The following DOCK4 variants were observed in gnomAD, a reference collection of about 807,000 sequenced individuals.
DOCK4 encodes the protein dedicator of cytokinesis protein 4.
Under a neutral mutation model 268.1 loss-of-function variants are expected in DOCK4, and 97 were observed. The ratio of observed to expected loss-of-function variants is 0.36; its 90% CI spans 0.31 to 0.43. The LOEUF is 0.43. Among genes scored for constraint, DOCK4 ranks in the 20% least tolerant of loss-of-function variants. DOCK4 has a pLI of 1.00. For synonymous variants in DOCK4, 954 were observed against 887.2 expected (o/e 1.08, Z -1.34); for missense variants, 2,145 against 2,455.7 (o/e 0.87, Z 2.67).
At chr7:112,182,555 G>C (rs1268222755) in intron 1 of DOCK4, among the ~76,000 whole-genome samples, 2 of 152,102 alleles carry the variant, frequency 1.3e-5, no homozygotes, top group African/African-American at 4.8e-5. Context: ...TCTATACTGT[G>C]TGAACTTTTA....
At chr7:111,834,713 A>G in intron 25 of DOCK4, 27 bp from the exon 26 acceptor site, 1 of 1,429,230 alleles carries the variant, frequency 7.0e-7, no homozygotes, top group South Asian at 1.3e-5. Context: ...AAAAGCATAC[A>G]TTTTATTTTT....
intron 35 of DOCK4, 89 bp from the exon 36 acceptor site, chr7:111,778,458 G>C (rs899487103): frequency 1.2e-5 from 9 of 733,628 alleles, no homozygotes; most frequent in African/African-American, 3.6e-5. Context: ...TCCATGTCTG[G>C]AGCCAAGAGA....
intron 1 of DOCK4, among the ~76,000 whole-genome samples, chr7:112,175,171 T>C (rs1043032488): frequency 5.3e-5 from 8 of 152,106 alleles, no homozygotes; most frequent in Non-Finnish European, 1.2e-4. Context: ...CCCCGTCCCC[T>C]GGAACATTTT....
At chr7:111,843,270 A>C (rs1216604077) in intron 25 of DOCK4, among the ~76,000 whole-genome samples, 3 of 152,178 alleles carry the variant, frequency 2.0e-5, no homozygotes, top group Admixed American at 6.5e-5. Context: ...TGAAATTAAA[A>C]ATTTTTGCTC....
At chr7:111,818,954 CTT>C (rs1197082359) in intron 27 of DOCK4, among the ~76,000 whole-genome samples, 1 of 152,222 alleles carries the variant, frequency 6.6e-6, no homozygotes, top group African/African-American at 2.4e-5. Flanking sequence ...TCACGGTGCT[CTT>C]TGTCTTTATA....
chr7:111,908,480 A>AATAATAATG (rs1407694767), intron 13 of DOCK4, among the ~76,000 whole-genome samples: 1 of 151,674 alleles, frequency 6.6e-6, no homozygotes, highest in Non-Finnish European at 1.5e-5. Context: ...TAATAATAAT[A>AATAATAATG]ATGAAATTGC....
At chr7:111,757,496 G>T (rs1797110632) in intron 41 of DOCK4, among the ~76,000 whole-genome samples, 1 of 152,118 alleles carries the variant, frequency 6.6e-6, no homozygotes, top group Non-Finnish European at 1.5e-5. Flanking sequence ...ATTTTGGAAG[G>T]CACAAAGAAT....
intron 38 of DOCK4, among the ~76,000 whole-genome samples, chr7:111,766,204 T>C (rs1053951979): frequency 2.6e-5 from 4 of 152,262 alleles, no homozygotes; most frequent in Non-Finnish European, 5.9e-5. Flanking sequence ...CATGAAATAC[T>C]GTGCCAAAAG....
chr7:111,937,925 AC>A (rs1211852915), intron 11 of DOCK4, among the ~76,000 whole-genome samples: 15 of 152,334 alleles, frequency 9.8e-5, no homozygotes, highest in Admixed American at 6.5e-4. Flanking sequence ...AAAGGATACG[AC>A]ACATGCAAAG....
intron 13 of DOCK4, among the ~76,000 whole-genome samples, chr7:111,914,881 C>T (rs557217646): frequency 6.6e-6 from 1 of 152,244 alleles, no homozygotes; most frequent in Non-Finnish European, 1.5e-5. Context: ...TGGAAGAATG[C>T]CTTTGTACAT....
intron 16 of DOCK4, among the ~76,000 whole-genome samples, chr7:111,881,772 G>C (rs916147300): frequency 6.6e-5 from 10 of 152,178 alleles, no homozygotes; most frequent in Admixed American, 3.9e-4. Flanking sequence ...CCTGTCATTT[G>C]CAACAACATG....
chr7:111,987,623 G>T (rs1799150906), intron 6 of DOCK4, among the ~76,000 whole-genome samples: 1 of 152,138 alleles, frequency 6.6e-6, no homozygotes, highest in African/African-American at 2.4e-5. Context: ...GTAAATGGCT[G>T]GCAAGTCTAA....
intron 8 of DOCK4, among the ~76,000 whole-genome samples, chr7:111,974,168 C>A (rs1450632233): frequency 6.6e-6 from 1 of 152,126 alleles, no homozygotes; most frequent in African/African-American, 2.4e-5. Context: ...CCTCTTCATG[C>A]AGGGACGGTG....
chr7:111,795,903 C>A (rs531051388), intron 30 of DOCK4, among the ~76,000 whole-genome samples: 2 of 152,168 alleles, frequency 1.3e-5, no homozygotes, highest in South Asian at 4.1e-4. Context: ...CTTGAAGATA[C>A]ATAGAGGGCT....
chr7:112,085,063 G>C (rs1037389681), intron 1 of DOCK4, among the ~76,000 whole-genome samples: 6 of 152,048 alleles, frequency 3.9e-5, no homozygotes, highest in Non-Finnish European at 8.8e-5. Flanking sequence ...TGAGAAAATT[G>C]TTCTAGTATA....
intron 27 of DOCK4, chr7:111,819,326 C>T (rs1196024946): frequency 6.6e-6 from 1 of 152,070 alleles, no homozygotes; most frequent in Non-Finnish European, 1.5e-5. Context: ...CTCAAAGTGT[C>T]CTGTATTTTT....
chr7:112,182,008 G>T (rs907701254), intron 1 of DOCK4, among the ~76,000 whole-genome samples: 1 of 152,162 alleles, frequency 6.6e-6, no homozygotes, highest in African/African-American at 2.4e-5. Context: ...GAATTTGATA[G>T]CAAATGCTGT....
chr7:111,777,821 C>T (rs1563490244), intron 36 of DOCK4, among the ~76,000 whole-genome samples: 1 of 152,208 alleles, frequency 6.6e-6, no homozygotes, highest in African/African-American at 2.4e-5. Flanking sequence ...CAAACTCTCT[C>T]TTGTCTGCCG....
chr7:111,825,501 T>A (rs1270540664), intron 26 of DOCK4, among the ~76,000 whole-genome samples: 1 of 151,670 alleles, frequency 6.6e-6, no homozygotes, highest in African/African-American at 2.4e-5. Context: ...ATTTTGCACA[T>A]ACAACTAAGT....
Sources: allele counts gnomAD v4.1 joint callset (sites outside exome capture counted in the v4.1 genomes callset), GRCh38; gene constraint gnomAD v4.1.1; transcripts MANE v1.5; gene names NCBI Gene and HGNC (gene_info 2026-07-23, HGNC 2026-07-21).